The following NAA20 variants were observed in gnomAD, a reference collection of about 807,000 sequenced individuals.
NAA20 encodes the protein N-alpha-acetyltransferase 20, NatB catalytic subunit.
Under a neutral mutation model 23.8 loss-of-function variants are expected in NAA20, and 24 were observed. The ratio of observed to expected loss-of-function variants is 1.01; its 90% CI spans 0.73 to 1.42. NAA20 has a LOEUF of 1.42. Among genes scored for constraint, NAA20 ranks in the 40% most tolerant of loss-of-function variants. NAA20 has a pLI of 0.00. For missense variants in NAA20, 166 were observed against 223.1 expected, an observed-to-expected ratio of 0.74 and a Z score of 1.63; for synonymous variants, 83 against 77.7, an observed-to-expected ratio of 1.07 and a Z score of -0.36.
intron 1 of NAA20, among the ~76,000 whole-genome samples, chr20:20,020,126 T>C (rs1160567401): frequency 1.3e-5 from 2 of 152,240 alleles, no homozygotes; most frequent in Admixed American, 6.5e-5. Context: ...ATGTAGATTT[T>C]CCCCTCTAAA....
At chr20:20,022,106 C>G (rs569915748) in intron 1 of NAA20, among the ~76,000 whole-genome samples, 28 of 152,194 alleles carry the variant, frequency 1.8e-4, no homozygotes, top group African/African-American at 6.7e-4. Context: ...CTGCAGCGGG[C>G]GAGTTTGACC....
At chr20:20,021,363 C>T (rs893275711) in intron 1 of NAA20, among the ~76,000 whole-genome samples, 1 of 152,120 alleles carries the variant, frequency 6.6e-6, no homozygotes. Context: ...TGGAGCTTCC[C>T]AAGGTGTGAT....
chr20:20,023,045 G>A (rs1358174225), intron 2 of NAA20, among the ~76,000 whole-genome samples: 4 of 152,076 alleles, frequency 2.6e-5, no homozygotes, highest in Admixed American at 6.6e-5. Context: ...CAGCACTTTG[G>A]GGGGCCAAGG....
chr20:20,030,214 G>C (rs779660764), intron 4 of NAA20, among the ~76,000 whole-genome samples: 5 of 152,196 alleles, frequency 3.3e-5, no homozygotes, highest in Non-Finnish European at 7.3e-5. Context: ...ATCTCACTCA[G>C]ATGCAAAATC....
chr20:20,025,526 T>C (rs1212467174), intron 2 of NAA20, 151 bp from the exon 3 acceptor site: 1 of 623,922 alleles, frequency 1.6e-6, no homozygotes, highest in Admixed American at 2.8e-5. Flanking sequence ...AACCTAAATA[T>C]TTCATGTAAT....
intron 4 of NAA20, among the ~76,000 whole-genome samples, chr20:20,028,074 G>C (rs947768144): frequency 4.6e-5 from 7 of 152,180 alleles, no homozygotes; most frequent in Non-Finnish European, 1.0e-4. Context: ...AGGCAAAGGA[G>C]CTCAAACTCA....
chr20:20,017,300 C>T (rs2043237291), upstream of NAA20: 22 of 1,514,898 alleles, frequency 1.5e-5, no homozygotes, highest in Non-Finnish European at 2.0e-5. Context: ...AGCAGTACCC[C>T]GTCTCGCTCG....
intron 4 of NAA20, among the ~76,000 whole-genome samples, chr20:20,027,884 G>A (rs1436624965): frequency 1.3e-5 from 2 of 151,964 alleles, no homozygotes; most frequent in African/African-American, 2.4e-5. Flanking sequence ...GTTTGTAGTA[G>A]CTTCACCTGT....
chr20:20,025,965 A>G (rs555071173), intron 3 of NAA20, among the ~76,000 whole-genome samples, 198 bp downstream of exon 3: 3 of 152,040 alleles, frequency 2.0e-5, no homozygotes, highest in Non-Finnish European at 2.9e-5. Context: ...CCAGACAGAC[A>G]TGGTCTTAGT....
intron 4 of NAA20, among the ~76,000 whole-genome samples, chr20:20,031,771 A>G (rs1264150117): frequency 2.0e-5 from 3 of 152,234 alleles, no homozygotes; most frequent in Non-Finnish European, 4.4e-5. Flanking sequence ...CAACCAACAG[A>G]AATATATTCA....
rs2043363291 is a variant in NAA20 at position 20,033,429 on chromosome 20, T to C, written c.*242T>C. 7.3e-6 allele frequency: 3 copies of C among 412,372 alleles called. No individual in the cohort carries two copies. The highest frequency in any genetic ancestry group is 1.3e-5 in the Non-Finnish European group (3 of 228,714). 25.5% of individuals were successfully genotyped at this position (412,372 alleles called of 1,614,324 possible). ...AAGGCAGCTAGGTCAGAAGGAAACA[T>C]ACCACTCTCATGGTTCATAGTATTC... On this transcript the variant is annotated 3_prime_UTR_variant, in exon 6 of 6. Coordinates refer to ENST00000334982, the MANE Select transcript of NAA20 (RefSeq NM_016100.5).
chr20:20,018,203 A>T, intron 1 of NAA20: 2 of 892,696 alleles, frequency 2.2e-6, no homozygotes, highest in Non-Finnish European at 3.2e-6. Context: ...ATTTGCAGGT[A>T]CCAATTTTTT....
chr20:20,028,550 A>G (rs1362141218), intron 4 of NAA20, among the ~76,000 whole-genome samples: 1 of 152,206 alleles, frequency 6.6e-6, no homozygotes, highest in Admixed American at 6.5e-5. Flanking sequence ...GGGTATTTGT[A>G]TGATAGATTC....
intron 2 of NAA20, among the ~76,000 whole-genome samples, chr20:20,022,809 A>C (rs1270288287): frequency 6.6e-6 from 1 of 152,192 alleles, no homozygotes; most frequent in Non-Finnish European, 1.5e-5. Flanking sequence ...TCCAGTGTGA[A>C]CAAAGTCTGG....
rs1408529274 is a variant in NAA20, at chr20:20,022,483, A to G, written c.78+3A>G. ...ACTTGGATCCACTTACAGAAACTGT[A>G]TCCTTTTTTACAAAAAAAAAAAAGT... On this transcript the variant is annotated splice_donor_region_variant and intron_variant, in intron 2 of 5. Coordinates refer to ENST00000334982, the MANE Select transcript of NAA20 (RefSeq NM_016100.5). 2 of 1,567,160 alleles carry G rather than the reference A, an allele frequency of 1.3e-6. No individual in the cohort carries two copies. The highest frequency in any genetic ancestry group is 1.4e-5 in the African/African-American group (1 of 71,962).
At chr20:20,017,322 G>A, upstream of NAA20, 1 of 1,588,538 alleles carries the variant, frequency 6.3e-7, no homozygotes, top group Non-Finnish European at 8.6e-7. Flanking sequence ...TTCCGCGGCG[G>A]CCACGCTCCG....
In NAA20 at chr20:20,033,632, T is replaced by C. The variant is rs1192155295; in HGVS notation, c.*445T>C. On this transcript the variant is annotated 3_prime_UTR_variant, in exon 6 of 6. Coordinates refer to ENST00000334982, the MANE Select transcript of NAA20 (RefSeq NM_016100.5). ...TAATACATTATTGACTCTATGAATG[T>C]TTTCTGAAGTTTGTTAGTCATTTGT... 6.5e-6 allele frequency: 1 copy of C among 152,886 alleles called. No individual in the cohort carries two copies. Among genetic ancestry groups the C allele is most frequent in the African/African-American group, 2.4e-5 (1 of 41,450 alleles). The allele number at this position is 152,886 out of a possible 1,614,324, so 9.5% of individuals were successfully genotyped here.
chr20:20,023,626 CTG>C (rs748484398), intron 2 of NAA20, among the ~76,000 whole-genome samples: 30 of 151,808 alleles, frequency 2.0e-4, no homozygotes, highest in Admixed American at 4.0e-4. Context: ...GTGTTATGCT[CTG>C]TATCTACTGT....
At chr20:20,027,742 C>T (rs2043315422) in intron 4 of NAA20, among the ~76,000 whole-genome samples, 1 of 150,136 alleles carries the variant, frequency 6.7e-6, no homozygotes, top group Non-Finnish European at 1.5e-5. Flanking sequence ...TGCGAACTGC[C>T]AGCATGGCAT....
Sources: allele counts gnomAD v4.1 joint callset (sites outside exome capture counted in the v4.1 genomes callset), GRCh38; gene constraint gnomAD v4.1.1; transcripts MANE v1.5; gene names NCBI Gene and HGNC (gene_info 2026-07-23, HGNC 2026-07-21).